Variants in KCNQ1 observed in about 807,000 individuals in gnomAD.
The protein encoded by KCNQ1 is potassium voltage-gated channel subfamily KQT member 1.
A neutral mutation model predicts 72.4 loss-of-function variants in KCNQ1; 49 were observed. The observed-to-expected ratio is 0.68, with a 90% CI of 0.54 to 0.86. The LOEUF (loss-of-function observed/expected upper bound fraction) is 0.86. Ranked by LOEUF, KCNQ1 falls within the 40% of genes least tolerant of loss-of-function variation. The probability of loss-of-function intolerance (pLI) is 0.00; values close to 1 mark genes in which losing one functional copy is unlikely to be tolerated. For synonymous variants in KCNQ1, 450 were observed against 412.6 expected, an observed-to-expected ratio of 1.09 and a Z score of -1.10; for missense variants, 790 against 945.1, an observed-to-expected ratio of 0.84 and a Z score of 2.15.
Position 2,567,827 on chromosome 11 carries a change from G to A in KCNQ1, c.478-2801G>A, listed in dbSNP as rs1025465584. 6.6e-6 allele frequency among the ~76,000 whole-genome samples: 1 copy of A among 152,186 alleles called. No homozygotes were observed. The highest frequency in any genetic ancestry group is 2.4e-5 in the African/African-American group (1 of 41,428). On this transcript the variant is annotated intron_variant, in intron 2 of 15. Transcript: ENST00000155840. The surrounding 1 kb of genome is among the most constrained non-coding windows in gnomAD (Gnocchi z 6.6). ...CCCTAAACAGGTTCCCTGAGTGTTA[G>A]GTCAAAATAACTTTAAAAAGACACG...
intron 1 of KCNQ1, among the ~76,000 whole-genome samples, chr11:2,474,318 G>C (rs1353192636): frequency 6.6e-6 from 1 of 152,120 alleles, no homozygotes; most frequent in Admixed American, 6.5e-5. Flanking sequence ...AAGAGGGCGA[G>C]GGTGAGCCTA....
intron 10 of KCNQ1, chr11:2,638,693 C>A (rs563549225): frequency 6.6e-6 from 1 of 152,232 alleles, no homozygotes; most frequent in South Asian, 2.1e-4. Flanking sequence ...GTGGCATTCT[C>A]TGTATTTCCT....
chr11:2,839,492 G>A (rs1468395728), intron 15 of KCNQ1, among the ~76,000 whole-genome samples: 1 of 152,208 alleles, frequency 6.6e-6, no homozygotes, highest in East Asian at 1.9e-4. Context: ...AGGAGCACGG[G>A]GCCATGTGGC....
chr11:2,750,032 G>GGGGT lies in KCNQ1; in HGVS notation c.1515-18810_1515-18807dup, dbSNP rs1349558646. 6.6e-6 allele frequency among the ~76,000 whole-genome samples: 1 copy of GGGGT among 152,130 alleles called. No individual in the cohort carries two copies. Among genetic ancestry groups the GGGGT allele is most frequent in the Non-Finnish European group, 1.5e-5 (1 of 68,014 alleles). Reference sequence around the variant, plus strand: ...GAATTGTGTGTAAATGAGTGAAAATGGGGTGAGAGGGAGGGAGTGGGAACA... The same window carrying GGGGT: ...GAATTGTGTGTAAATGAGTGAAAATGGGGTGGGTGAGAGGGAGGGAGTGGGAACA... On this transcript the variant is annotated intron_variant, in intron 11 of 15. Transcript: ENST00000155840. The surrounding 1 kb of genome is among the most constrained non-coding windows in gnomAD (Gnocchi z 6.3).
chr11:2,761,553 C>T (rs1459897190), intron 11 of KCNQ1, among the ~76,000 whole-genome samples: 1 of 152,198 alleles, frequency 6.6e-6, no homozygotes, highest in African/African-American at 2.4e-5. Context: ...TAGCCAGGGA[C>T]CCGCCCTTCT....
At position 2,644,838 on chromosome 11, in the gene KCNQ1, T is replaced by C. The variant is rs1345516160; in HGVS notation, c.1394-17123T>C. ...AAACAGCACCAGTAGTGTCTGGGAG[T>C]TCCTCTGTAGTTTAGGATGCAGTTG... On this transcript the variant is annotated intron_variant, in intron 10 of 15. Coordinates refer to ENST00000155840, the MANE Select transcript of KCNQ1 (RefSeq NM_000218.3). 5 of 398,512 alleles carry C rather than the reference T, an allele frequency of 1.3e-5. 1 individual carries two copies. The Middle Eastern group carries it at 2.5e-3, about 198-fold the overall frequency. 24.7% of individuals were successfully genotyped at this position (398,512 alleles called of 1,614,324 possible). A position where few individuals can be genotyped will look rare whatever the true frequency, so the allele number is the denominator to read the frequency against.
rs117236107 is a variant in KCNQ1, at chr11:2,503,382, G to A, written c.387-24546G>A. Among the ~76,000 whole-genome samples the A allele has an allele frequency of 6.6e-4, 101 of 152,090 alleles. 2 individuals are homozygous for A. The East Asian group carries it at 0.017, about 26-fold the overall frequency. ...CAAAAGACCTGAATAGACATTTCTCGAAAGAAGACAAATGGATGAAACTGG... is the reference window on the plus strand; with the variant it reads ...CAAAAGACCTGAATAGACATTTCTCAAAAGAAGACAAATGGATGAAACTGG... On this transcript the variant is annotated intron_variant, in intron 1 of 15. Transcript: ENST00000155840.
intron 11 of KCNQ1, chr11:2,693,592 C>T (rs944879299): frequency 2.5e-5 from 10 of 398,650 alleles, no homozygotes; most frequent in Non-Finnish European, 4.0e-5. Context: ...ATAAATGAGG[C>T]CACATTTAAA....
At chr11:2,523,164 C>A (rs950758226) in intron 1 of KCNQ1, among the ~76,000 whole-genome samples, 1 of 152,140 alleles carries the variant, frequency 6.6e-6, no homozygotes, top group African/African-American at 2.4e-5. Context: ...TGCTAACCAG[C>A]ATCCATCACT....
chr11:2,620,223 TA>T lies in KCNQ1; in HGVS notation c.1393+31370del, dbSNP rs1849146016. On this transcript the variant is annotated intron_variant, in intron 10 of 15. Coordinates refer to ENST00000155840, the MANE Select transcript of KCNQ1 (RefSeq NM_000218.3). This position sits in a 1 kb window ranked among gnomAD's most constrained non-coding sequence, Gnocchi z 4.5. ...TGTATATATATATATTTTTTTTTTTTATTTTTTTTTTAGACGGAGTTTCGCT... is the reference window on the plus strand; with the variant it reads ...TGTATATATATATATTTTTTTTTTTTTTTTTTTTTTAGACGGAGTTTCGCT... 2.6e-5 allele frequency: 7 copies of T among 271,032 alleles called. No homozygotes were observed. The highest frequency in any genetic ancestry group is 3.3e-5 in the Non-Finnish European group (5 of 150,400). The allele number at this position is 271,032 out of a possible 1,614,324, so 16.8% of individuals were successfully genotyped here.
Position 2,833,849 on chromosome 11 carries a change from G to A in KCNQ1, c.1795-13918G>A, listed in dbSNP as rs150072396. Among the ~76,000 whole-genome samples the A allele has an allele frequency of 5.6e-3, 849 of 152,330 alleles. 9 individuals are homozygous for A. The highest frequency in any genetic ancestry group is 0.019 in the African/African-American group (803 of 41,572). On this transcript the variant is annotated intron_variant, in intron 15 of 15. Transcript: ENST00000155840. ...CAGCACCAGCGCCAGGGGCCGTTCC[G>A]ACAGGCTGAGGAGCGGCGGGGAGCG...
chr11:2,517,734 T>C (rs948079068), intron 1 of KCNQ1, among the ~76,000 whole-genome samples: 1 of 152,198 alleles, frequency 6.6e-6, no homozygotes, highest in African/African-American at 2.4e-5. Flanking sequence ...TGGGAGCATA[T>C]GCCTGCACGT....
In KCNQ1 at chr11:2,611,840, C is replaced by T. The variant is rs1444949768; in HGVS notation, c.1393+22986C>T. 1 of 398,170 alleles carries T rather than the reference C, an allele frequency of 2.5e-6. No homozygotes were observed. Among genetic ancestry groups the T allele is most frequent in the Non-Finnish European group, 4.4e-6 (1 of 226,000 alleles). The allele number at this position is 398,170 out of a possible 1,614,324, so 24.7% of individuals were successfully genotyped here. A position where few individuals can be genotyped will look rare whatever the true frequency, so the allele number is the denominator to read the frequency against. ...GTTGAATAGATATGTTCTAGAGTAC[C>T]ATTCTAATTCCTTTGTTAGTTTATT... On this transcript the variant is annotated intron_variant, in intron 10 of 15. Transcript: ENST00000155840. The surrounding 1 kb of genome is among the most constrained non-coding windows in gnomAD (Gnocchi z 5.3).
intron 12 of KCNQ1, among the ~76,000 whole-genome samples, chr11:2,770,559 C>G (rs1040655429): frequency 3.9e-5 from 6 of 152,378 alleles, no homozygotes; most frequent in African/African-American, 1.4e-4. Context: ...CTGGCCCTCC[C>G]ACCTGCATCC....
intron 6 of KCNQ1, among the ~76,000 whole-genome samples, chr11:2,580,322 TGGCTCGTG>T: frequency 6.6e-6 from 1 of 152,178 alleles, no homozygotes; most frequent in African/African-American, 2.4e-5. Flanking sequence ...CGGAGAAGCC[TGGCTCGTG>T]GGCATTGTGC....
intron 6 of KCNQ1, among the ~76,000 whole-genome samples, chr11:2,582,067 G>A (rs1478109770): frequency 6.6e-6 from 1 of 152,224 alleles, no homozygotes; most frequent in African/African-American, 2.4e-5. Flanking sequence ...GTCCCGCCCT[G>A]TGGCCTGGCG....
In KCNQ1 at chr11:2,746,949, C is replaced by T. The variant is rs561849845; in HGVS notation, c.1515-21895C>T. Among the ~76,000 whole-genome samples, 5 of 152,330 alleles carry T rather than the reference C, an allele frequency of 3.3e-5. No homozygotes were observed. Among genetic ancestry groups the T allele is most frequent in the Admixed American group, 3.3e-4 (5 of 15,310 alleles). On this transcript the variant is annotated intron_variant, in intron 11 of 15. Transcript: ENST00000155840. This position sits in a 1 kb window ranked among gnomAD's most constrained non-coding sequence, Gnocchi z 5.9. ...CTGGATCAAAGCCATGGCCCCCATT[C>T]CCCGGGGATAGGGAAGCTGTGCAGG...
rs953395724 is a variant in KCNQ1, at chr11:2,725,076, C to T, written c.1515-43768C>T. ...GGGTCTGAGAAGCATCAGACAATGACTCCTAAACAAGCTCACGTCTTGAAG... is the reference window on the plus strand; with the variant it reads ...GGGTCTGAGAAGCATCAGACAATGATTCCTAAACAAGCTCACGTCTTGAAG... On this transcript the variant is annotated intron_variant, in intron 11 of 15. Coordinates refer to ENST00000155840, the MANE Select transcript of KCNQ1 (RefSeq NM_000218.3). The surrounding 1 kb of genome is among the most constrained non-coding windows in gnomAD (Gnocchi z 7.2). Among the ~76,000 whole-genome samples the T allele has an allele frequency of 2.0e-5, 3 of 152,196 alleles. No individual in the cohort carries two copies. The highest frequency in any genetic ancestry group is 4.8e-5 in the African/African-American group (2 of 41,456).
chr11:2,796,257 G>A (rs1847126447), intron 15 of KCNQ1, among the ~76,000 whole-genome samples: 1 of 152,234 alleles, frequency 6.6e-6, no homozygotes, highest in African/African-American at 2.4e-5. Flanking sequence ...CCCCTGCCAG[G>A]TGACGCTGCC....
Sources: allele counts gnomAD v4.1 joint callset (sites outside exome capture counted in the v4.1 genomes callset), GRCh38; gene constraint gnomAD v4.1.1; non-coding constraint Gnocchi (gnomAD v3.1); transcripts MANE v1.5; gene names NCBI Gene and HGNC (gene_info 2026-07-23, HGNC 2026-07-21).